ZNF333: variants seen among roughly 807,000 people sequenced by gnomAD.
The protein encoded by ZNF333 is zinc finger protein 333.
ZNF333 carries 61 observed loss-of-function variants against 76.1 expected under a neutral mutation model. That is an observed-to-expected ratio of 0.80 (90% CI 0.65 to 0.99). The LOEUF is 0.99. Ranked by LOEUF, ZNF333 falls within the 50% of genes least tolerant of loss-of-function variation. The pLI, the probability that ZNF333 is intolerant of heterozygous loss-of-function variation, is 0.00. For missense variants in ZNF333, 717 were observed against 822.4 expected (o/e 0.87, Z 1.57); for synonymous variants, 284 against 305.0 (o/e 0.93, Z 0.72).
downstream of ZNF333, chr19:14,721,990 G>A (rs1326291008): frequency 6.6e-6 from 1 of 152,216 alleles, no homozygotes; most frequent in African/African-American, 2.4e-5. Flanking sequence ...AGCTTTAGTA[G>A]ATCTTGCCAG....
downstream of ZNF333, among the ~76,000 whole-genome samples, chr19:14,726,429 C>T (rs2042633245): frequency 6.6e-6 from 1 of 152,192 alleles, no homozygotes; most frequent in Non-Finnish European, 1.5e-5. Context: ...GGTGGTTCTG[C>T]AGCCCTCTTA....
chr19:14,716,385 A>C lies in ZNF333; in HGVS notation c.727+147A>C, dbSNP rs1040253858. Reference sequence around the variant, plus strand: ...GTGATCCTCCCACCCCAGCCTCCCGAGTAGCTGGGACCACAGGGTGCATCA... The same window carrying C: ...GTGATCCTCCCACCCCAGCCTCCCGCGTAGCTGGGACCACAGGGTGCATCA... On this transcript the variant is annotated intron_variant, in intron 9 of 11. Transcript: ENST00000292530. The C allele has an allele frequency of 3.4e-6, 3 of 884,402 alleles. No homozygotes were observed. The African/African-American group carries it at 5.1e-5, about 15-fold the overall frequency. 54.8% of individuals were successfully genotyped at this position (884,402 alleles called of 1,614,324 possible).
intron 9 of ZNF333, 26 bp downstream of exon 9, chr19:14,716,264 C>CTTT: frequency 6.3e-6 from 8 of 1,273,742 alleles, no homozygotes; most frequent in East Asian, 5.5e-5. Flanking sequence ...CTTTTCTTTC[C>CTTT]TTTTTTTTTT....
chr19:14,719,013 T>C lies in ZNF333; in HGVS notation c.1686T>C (p.Tyr562=). Residue 562 remains tyrosine, a synonymous_variant, in exon 12 of 12, where the codon TAT becomes TAC. Transcript: ENST00000292530. ...HMRTHTGEKP[Y]VCQECGRAFS... Reference sequence around the variant, plus strand: ...GAACTCACACTGGAGAGAAGCCCTATGTGTGCCAGGAATGTGGGCGAGCCT... The same window carrying C: ...GAACTCACACTGGAGAGAAGCCCTACGTGTGCCAGGAATGTGGGCGAGCCT... 1 of 1,614,144 alleles carries C rather than the reference T, an allele frequency of 6.2e-7. No individual in the cohort carries two copies. Among genetic ancestry groups the C allele is most frequent in the Non-Finnish European group, 8.5e-7 (1 of 1,180,020 alleles).
chr19:14,725,285 C>T (rs1195393941), downstream of ZNF333, among the ~76,000 whole-genome samples: 2 of 152,178 alleles, frequency 1.3e-5, no homozygotes, highest in Admixed American at 6.6e-5. Flanking sequence ...GATCCGAATA[C>T]GTCCCACCAG....
intron 5 of ZNF333, among the ~76,000 whole-genome samples, chr19:14,704,682 C>T (rs1352283296): frequency 6.6e-6 from 1 of 152,146 alleles, no homozygotes; most frequent in Admixed American, 6.5e-5. Context: ...TTATAATAAC[C>T]ATCAGATCTC....
Position 14,719,375 on chromosome 19 carries a change from AAT to A in ZNF333, c.*52_*53del, listed in dbSNP as rs769134489. 8.6e-6 allele frequency: 13 copies of A among 1,516,412 alleles called. No homozygotes were observed. Among genetic ancestry groups the A allele is most frequent in the Non-Finnish European group, 8.0e-6 (9 of 1,131,642 alleles). 93.9% of individuals were successfully genotyped at this position (1,516,412 alleles called of 1,614,324 possible). A position where few individuals can be genotyped will look rare whatever the true frequency, so the allele number is the denominator to read the frequency against. Reference sequence around the variant, plus strand: ...ACATGGGGCTATGACTTTCCCTCGTAATACTCCTTTAGCTGCATCCTGTGTTT... The same window carrying A: ...ACATGGGGCTATGACTTTCCCTCGTAACTCCTTTAGCTGCATCCTGTGTTT... On this transcript the variant is annotated 3_prime_UTR_variant, in exon 12 of 12. Coordinates refer to ENST00000292530, the MANE Select transcript of ZNF333 (RefSeq NM_032433.4).
At chr19:14,716,036 C>G in intron 8 of ZNF333, 76 bp from the exon 9 acceptor site, 2 of 1,591,842 alleles carry the variant, frequency 1.3e-6, no homozygotes, top group Non-Finnish European at 8.6e-7. Flanking sequence ...CTTCCCCAGG[C>G]TTGCCAGCCT....
intron 2 of ZNF333, among the ~76,000 whole-genome samples, chr19:14,694,691 G>T (rs770897016): frequency 6.6e-6 from 1 of 152,056 alleles, no homozygotes; most frequent in African/African-American, 2.4e-5. Context: ...AGTCAGTGGA[G>T]TTACACAGAG....
At chr19:14,692,542 C>G (rs1475015412) in intron 1 of ZNF333, among the ~76,000 whole-genome samples, 1 of 151,992 alleles carries the variant, frequency 6.6e-6, no homozygotes, top group African/African-American at 2.4e-5. Context: ...CAGACAGAGT[C>G]TTGCTCTGTC....
chr19:14,715,962 A>T, intron 8 of ZNF333, 150 bp from the exon 9 acceptor site: 1 of 1,284,192 alleles, frequency 7.8e-7, no homozygotes, highest in Non-Finnish European at 1.1e-6. Flanking sequence ...CAGAGTCCTG[A>T]GCTAAGGGCC....
In ZNF333 at chr19:14,720,358, C is replaced by A; in HGVS notation, c.*1033C>A. The A allele has an allele frequency of 8.1e-6, 8 of 985,394 alleles. No homozygotes were observed. Among genetic ancestry groups the A allele is most frequent in the Non-Finnish European group, 9.6e-6 (8 of 829,944 alleles). 61.0% of individuals were successfully genotyped at this position (985,394 alleles called of 1,614,324 possible). The stretch of plus-strand genomic sequence containing the variant: ...TGTAGCCACATCTCTCCACTTCTTG[C>A]CTTTTGGACAAGTAGACATGATTTC... On this transcript the variant is annotated 3_prime_UTR_variant, in exon 12 of 12. Transcript: ENST00000292530.
At chr19:14,727,520 T>C (rs533158276) in intron 11 of ZNF333, among the ~76,000 whole-genome samples, 1 of 152,154 alleles carries the variant, frequency 6.6e-6, no homozygotes, top group Non-Finnish European at 1.5e-5. Context: ...TTAAACAACC[T>C]GATCTGGTGT....
At chr19:14,697,328 G>A (rs1220052944) in intron 4 of ZNF333, among the ~76,000 whole-genome samples, 1 of 134,970 alleles carries the variant, frequency 7.4e-6, no homozygotes, top group Admixed American at 7.3e-5. Context: ...TGCTGTGAAT[G>A]TTTGTGTACA....
Position 14,718,809 on chromosome 19 carries a change from GAC to G in ZNF333, c.1486_1487del (p.His496SerfsTer11). 1 of 1,614,066 alleles carries G rather than the reference GAC, an allele frequency of 6.2e-7. No individual in the cohort carries two copies. Among genetic ancestry groups the G allele is most frequent in the Non-Finnish European group, 8.5e-7 (1 of 1,180,012 alleles). On this transcript the variant is annotated frameshift_variant, in exon 12 of 12. Transcript: ENST00000292530. LOFTEE classifies it high-confidence loss of function. Reference sequence around the variant, plus strand: ...CCTTCAGGGAACACTCTTCACTGAAGACACATCTGCGAACCCATACCAGAGAG... The same window carrying G: ...CCTTCAGGGAACACTCTTCACTGAAGACATCTGCGAACCCATACCAGAGAG... ...KAFREHSSLK[T>X]HLRTHTREKP...
chr19:14,708,093 T>C (rs4807959), intron 7 of ZNF333: 263,083 of 389,746 alleles, frequency 0.68, 90,965 homozygotes, highest in African/African-American at 0.87. Flanking sequence ...CTGCAACCTC[T>C]GCCTCCCGGG....
At chr19:14,702,294 C>T (rs2041979450) in intron 5 of ZNF333, among the ~76,000 whole-genome samples, 1 of 152,204 alleles carries the variant, frequency 6.6e-6, no homozygotes, top group African/African-American at 2.4e-5. Flanking sequence ...GTGGGAGGAC[C>T]ACTGGAGCCC....
In ZNF333 at chr19:14,718,984, A is replaced by T. The variant is rs770636264; in HGVS notation, c.1657A>T (p.Met553Leu). The change falls in exon 12 of 12, where the codon ATG (methionine) becomes TTG (leucine). Residue 553 changes from methionine to leucine, a missense_variant. Met to Leu is a conservative substitution (Grantham distance 15). Transcript: ENST00000292530. ...LSRLSTLKSH[M>L]RTHTGEKPYV... ...TCGTCTTTCAACCCTGAAGAGTCAC[A>T]TGCGAACTCACACTGGAGAGAAGCC... 1.2e-6 allele frequency: 2 copies of T among 1,610,634 alleles called. No individual in the cohort carries two copies. Among genetic ancestry groups the T allele is most frequent in the Non-Finnish European group, 1.7e-6 (2 of 1,178,962 alleles).
At chr19:14,712,462 A>G (rs761580274) in intron 7 of ZNF333, among the ~76,000 whole-genome samples, 61 of 152,118 alleles carry the variant, frequency 4.0e-4, no homozygotes, top group Middle Eastern at 6.8e-3. Flanking sequence ...TCAAATGATA[A>G]TGCTGGCCTC....
Sources: gnomAD v4.1 joint callset for allele counts (sites outside exome capture counted in the v4.1 genomes callset) on GRCh38, gnomAD v4.1.1 for gene constraint, MANE v1.5 for transcripts, NCBI Gene and HGNC (gene_info 2026-07-23, HGNC 2026-07-21) for gene names.